The following UBR3 variants were observed in gnomAD, a reference collection of about 807,000 sequenced individuals.
UBR3 encodes the protein E3 ubiquitin-protein ligase UBR3.
A neutral mutation model predicts 243.2 loss-of-function variants in UBR3; 85 were observed. The observed-to-expected ratio is 0.35, with a 90% CI of 0.29 to 0.42. The LOEUF is 0.42. Among genes scored for constraint, UBR3 ranks in the 10% least tolerant of loss-of-function variants. UBR3 has a pLI of 1.00. For missense variants in UBR3, 1,686 were observed against 2,300.8 expected (o/e 0.73, Z 5.47); for synonymous variants, 748 against 799.8 (o/e 0.94, Z 1.09).
intron 31 of UBR3, among the ~76,000 whole-genome samples, chr2:170,034,185 A>G (rs894496849): frequency 6.6e-6 from 1 of 151,936 alleles, no homozygotes; most frequent in Non-Finnish European, 1.5e-5. Flanking sequence ...ACATACTATA[A>G]TCACCCAAAG....
Position 169,858,089 on chromosome 2 carries a change from A to G in UBR3, c.546-14147A>G, listed in dbSNP as rs1298085953. ...CAGCTTAAGACAACAGGCATTTATT[A>G]TCTCATAGTTTCTATGGGCCACGAA... is the stretch of plus-strand genomic sequence containing the variant. On this transcript the variant is annotated intron_variant, in intron 1 of 38. Transcript: ENST00000272793. Among the ~76,000 whole-genome samples the G allele has an allele frequency of 3.3e-5, 5 of 152,296 alleles. No homozygotes were observed. In the South Asian group the frequency reaches 1.0e-3, roughly 32 times the overall value.
chr2:170,053,700 G>A (rs1226286558), intron 32 of UBR3, among the ~76,000 whole-genome samples: 1 of 152,172 alleles, frequency 6.6e-6, no homozygotes, highest in African/African-American at 2.4e-5. Flanking sequence ...AAACTGACGA[G>A]AAATATTTAA....
rs745799797 is a variant in UBR3, at chr2:169,947,600, T to G, written c.2969T>G (p.Val990Gly). 18 of 1,533,324 alleles carry G rather than the reference T, an allele frequency of 1.2e-5. No homozygotes were observed. In the South Asian group the frequency reaches 2.2e-4, roughly 19 times the overall value. The allele number at this position is 1,533,324 out of a possible 1,614,324, so 95.0% of individuals were successfully genotyped here. ...AGTTGGTTTCCTGGCAGTAACTTAG[T>G]GTCAAACATGCGACACTTTATAAAC... is the stretch of plus-strand genomic sequence containing the variant. ...HDSWFPGSNL[V>G]SNMRHFINYV... Residue 990 changes from valine (V) to glycine (G), a missense_variant, in exon 22 of 39, where the codon GTG becomes GGG. Val to Gly is a moderately radical substitution (Grantham distance 109, BLOSUM62 -3). Transcript: ENST00000272793.
At chr2:169,842,242 C>A (rs905044865) in intron 1 of UBR3, among the ~76,000 whole-genome samples, 1 of 151,982 alleles carries the variant, frequency 6.6e-6, no homozygotes, top group Non-Finnish European at 1.5e-5. Flanking sequence ...TAGCTGCTCT[C>A]GTGGGGCCTT....
chr2:169,929,360 A>G (rs545915719), intron 18 of UBR3, among the ~76,000 whole-genome samples: 13 of 152,256 alleles, frequency 8.5e-5, no homozygotes, highest in African/African-American at 3.1e-4. Context: ...GGATCACCTG[A>G]GGTCAGGAGT....
chr2:169,903,800 T>G (rs2084916839), intron 8 of UBR3, among the ~76,000 whole-genome samples: 2 of 152,218 alleles, frequency 1.3e-5, no homozygotes, highest in African/African-American at 4.8e-5. Context: ...GTGGGAAGAC[T>G]GCTTGAGCCC....
At chr2:170,066,960 T>C (rs2091582755) in intron 35 of UBR3, among the ~76,000 whole-genome samples, 1 of 140,852 alleles carries the variant, frequency 7.1e-6, no homozygotes, top group African/African-American at 2.9e-5. Flanking sequence ...CGAGACTCCG[T>C]CTCTAAAATA....
chr2:170,064,037 T>G (rs1314832471), intron 35 of UBR3, among the ~76,000 whole-genome samples: 2 of 152,216 alleles, frequency 1.3e-5, no homozygotes, highest in Non-Finnish European at 2.9e-5. Flanking sequence ...TGTGTAATGT[T>G]TGGCAGTCAG....
At chr2:169,852,734 C>G (rs2082697785) in intron 1 of UBR3, among the ~76,000 whole-genome samples, 2 of 150,870 alleles carry the variant, frequency 1.3e-5, no homozygotes, top group Admixed American at 1.3e-4. Flanking sequence ...GCCTGTAATC[C>G]CAGCTATTCA....
chr2:169,876,585 T>G (rs1441455113), intron 3 of UBR3, among the ~76,000 whole-genome samples: 1 of 151,922 alleles, frequency 6.6e-6, no homozygotes, highest in Non-Finnish European at 1.5e-5. Context: ...TGAGACAGAG[T>G]CTTGCTCTGT....
chr2:169,860,371 A>G (rs768952277), intron 1 of UBR3, among the ~76,000 whole-genome samples: 1 of 152,144 alleles, frequency 6.6e-6, no homozygotes, highest in Non-Finnish European at 1.5e-5. Flanking sequence ...TTTAAGCTAC[A>G]TTAGTGTGGG....
intron 18 of UBR3, among the ~76,000 whole-genome samples, chr2:169,931,657 T>TA (rs2086137520): frequency 1.3e-5 from 2 of 152,294 alleles, no homozygotes; most frequent in Admixed American, 1.3e-4. Flanking sequence ...CGGTGGTTTC[T>TA]AAAATTATTA....
At chr2:169,899,848 CA>C (rs1236670669) in intron 8 of UBR3, among the ~76,000 whole-genome samples, 10 of 152,042 alleles carry the variant, frequency 6.6e-5, no homozygotes, top group African/African-American at 2.2e-4. Context: ...TTTATGGCTG[CA>C]ATAGTATTCC....
At chr2:170,030,175 C>G (rs2061622) in intron 31 of UBR3, among the ~76,000 whole-genome samples, 126,280 of 152,010 alleles carry the variant, frequency 0.83, 53,367 homozygotes, top group South Asian at 0.92. Context: ...AGAATCTTTC[C>G]AAACTGACTT....
chr2:169,949,755 A>G lies in UBR3; in HGVS notation c.3235A>G (p.Thr1079Ala), dbSNP rs2086934095. ...TGCTCCTGGTTCAGCTCCACAGTTA[A>G]CTACAGCCATTTTGGAAATTAAAGA... is the stretch of plus-strand genomic sequence containing the variant. ...WSAPGSAPQL[T>A]TAILEIKESI... Residue 1079 changes from threonine to alanine, a missense_variant, in exon 23 of 39, where the codon ACT becomes GCT. Transcript: ENST00000272793. 6.4e-7 allele frequency: 1 copy of G among 1,551,650 alleles called. No individual in the cohort carries two copies. Among genetic ancestry groups the G allele is most frequent in the Admixed American group, 2.0e-5 (1 of 50,974 alleles).
At chr2:169,849,037 T>C (rs1261604529) in intron 1 of UBR3, among the ~76,000 whole-genome samples, 1 of 152,156 alleles carries the variant, frequency 6.6e-6, no homozygotes, top group Non-Finnish European at 1.5e-5. Context: ...AAAAGATACA[T>C]ATATATTTAT....
chr2:169,967,271 C>T (rs1157855675), intron 24 of UBR3, among the ~76,000 whole-genome samples: 3 of 144,244 alleles, frequency 2.1e-5, no homozygotes, highest in Admixed American at 2.1e-4. Flanking sequence ...CCCCGCCCCC[C>T]CCCACACACA....
chr2:169,951,107 G>A (rs1188993863), intron 23 of UBR3, among the ~76,000 whole-genome samples: 2 of 152,100 alleles, frequency 1.3e-5, no homozygotes, highest in Middle Eastern at 3.2e-3. Context: ...GTTAGGGAGG[G>A]TCCAAAGAGA....
intron 32 of UBR3, among the ~76,000 whole-genome samples, chr2:170,045,112 G>A (rs776505197): frequency 8.5e-5 from 13 of 152,254 alleles, no homozygotes; most frequent in Non-Finnish European, 2.9e-5. Flanking sequence ...TGGACTCACA[G>A]TTCCATATGG....
Sources: gnomAD v4.1 joint callset for allele counts (sites outside exome capture counted in the v4.1 genomes callset) on GRCh38, gnomAD v4.1.1 for gene constraint, MANE v1.5 for transcripts, NCBI Gene and HGNC (gene_info 2026-07-23, HGNC 2026-07-21) for gene names.